The following KPNA6 variants were observed in gnomAD, a reference collection of about 807,000 sequenced individuals.
KPNA6 encodes importin subunit alpha-7.
Under a neutral mutation model 72.0 loss-of-function variants are expected in KPNA6, and 9 were observed. That is an observed-to-expected ratio of 0.13 (90% CI 0.08 to 0.22). The LOEUF is 0.22. Among genes scored for constraint, KPNA6 ranks in the 10% least tolerant of loss-of-function variants. The probability of loss-of-function intolerance (pLI) is 1.00; values close to 1 mark genes in which losing one functional copy is unlikely to be tolerated. For synonymous variants in KPNA6, 219 were observed against 242.1 expected (o/e 0.90, Z 0.89); for missense variants, 374 against 655.7 (o/e 0.57, Z 4.69).
intron 1 of KPNA6, among the ~76,000 whole-genome samples, chr1:32,121,291 A>G (rs2124526434): frequency 6.6e-6 from 1 of 152,268 alleles, no homozygotes; most frequent in South Asian, 2.1e-4. Context: ...TTGGTTATTG[A>G]TTTCATCTGG....
At chr1:32,166,914 G>A (rs1036882458) in intron 11 of KPNA6, among the ~76,000 whole-genome samples, 1 of 152,086 alleles carries the variant, frequency 6.6e-6, no homozygotes, top group South Asian at 2.1e-4. Flanking sequence ...CTCCAGCCTG[G>A]GTGACAGAGC....
intron 13 of KPNA6, 93 bp from the exon 14 acceptor site, chr1:32,170,614 T>C: frequency 9.8e-7 from 1 of 1,018,472 alleles, no homozygotes. Context: ...TTGTAAGCAC[T>C]AACATACCTC....
rs566239451 is a variant in KPNA6, at chr1:32,170,272, T to C, written c.1423+212T>C. On this transcript the variant is annotated intron_variant, in intron 13 of 13. Transcript: ENST00000373625. ...CACGTTACCATGAGTATAATCAGGA[T>C]GTGCTGAGTAGCTGGGGTACAGCTA... Among the ~76,000 whole-genome samples, 23 of 152,328 alleles carry C rather than the reference T, an allele frequency of 1.5e-4. 1 individual carries two copies. The South Asian group carries it at 4.8e-3, about 32-fold the overall frequency.
At chr1:32,144,764 C>T (rs1044336247) in intron 1 of KPNA6, among the ~76,000 whole-genome samples, 2 of 151,986 alleles carry the variant, frequency 1.3e-5, no homozygotes, top group Admixed American at 6.6e-5. Flanking sequence ...AGTTCTCCTG[C>T]GTCAGCCTCC....
intron 1 of KPNA6, among the ~76,000 whole-genome samples, chr1:32,144,765 G>A (rs1294340903): frequency 6.6e-6 from 1 of 151,458 alleles, no homozygotes; most frequent in South Asian, 2.1e-4. Flanking sequence ...GTTCTCCTGC[G>A]TCAGCCTCCC....
rs748389483 is a variant in KPNA6, at chr1:32,170,825, A to G, written c.1542A>G (p.Gln514=). The part of the protein sequence containing the change: ...VEDDDSSLAP[Q]VDETQQQFIF... ...ACGATGATAGCAGCCTGGCTCCCCAAGTCGATGAAACGCAACAGCAGTTCA... is the reference window on the plus strand; with the variant it reads ...ACGATGATAGCAGCCTGGCTCCCCAGGTCGATGAAACGCAACAGCAGTTCA... Residue 514 remains glutamine (Q), a synonymous_variant, in exon 14 of 14, where the codon CAA becomes CAG. Coordinates refer to ENST00000373625, the MANE Select transcript of KPNA6 (RefSeq NM_012316.5). 3.1e-6 allele frequency: 5 copies of G among 1,614,222 alleles called. No individual in the cohort carries two copies. Among genetic ancestry groups the G allele is most frequent in the South Asian group, 2.2e-5 (2 of 91,084 alleles).
intron 1 of KPNA6, among the ~76,000 whole-genome samples, chr1:32,130,413 C>T (rs1641616472): frequency 1.3e-5 from 2 of 151,972 alleles, no homozygotes; most frequent in South Asian, 4.1e-4. Context: ...AAATAAGTAA[C>T]TTGACACAGG....
chr1:32,126,283 T>G (rs1202588442), intron 1 of KPNA6, among the ~76,000 whole-genome samples: 1 of 122,114 alleles, frequency 8.2e-6, no homozygotes, highest in East Asian at 2.3e-4. Flanking sequence ...AGAAGATGCT[T>G]CCCCACCCCC....
At chr1:32,155,830 C>G (rs1471915624) in intron 2 of KPNA6, among the ~76,000 whole-genome samples, 1 of 151,558 alleles carries the variant, frequency 6.6e-6, no homozygotes, top group East Asian at 1.9e-4. Flanking sequence ...GCCTCAAGCT[C>G]CCGGGCTCAA....
chr1:32,165,061 G>C (rs1475536855), intron 10 of KPNA6, among the ~76,000 whole-genome samples: 1 of 151,940 alleles, frequency 6.6e-6, no homozygotes, highest in Non-Finnish European at 1.5e-5. Flanking sequence ...ATCATGCCTA[G>C]CTAATTTTTT....
At chr1:32,108,458 G>T (rs1339903032) in intron 1 of KPNA6, among the ~76,000 whole-genome samples, 1 of 152,260 alleles carries the variant, frequency 6.6e-6, no homozygotes, top group African/African-American at 2.4e-5. Flanking sequence ...TGGGGCTGGG[G>T]GACGGGCTCC....
chr1:32,152,737 C>T lies in KPNA6; in HGVS notation c.5-1851C>T, dbSNP rs1192813585. 3.3e-5 allele frequency among the ~76,000 whole-genome samples: 5 copies of T among 151,652 alleles called. No individual in the cohort carries two copies. The East Asian group carries it at 7.8e-4, about 24-fold the overall frequency. On this transcript the variant is annotated intron_variant, in intron 1 of 13. Transcript: ENST00000373625. ...GCGGGCGCCTGTAGTCCCAGCTACT[C>T]GGGAGGCTGAGGCAGGAAAATGGCG...
chr1:32,167,938 G>A (rs1373098232), intron 12 of KPNA6, among the ~76,000 whole-genome samples: 5 of 152,110 alleles, frequency 3.3e-5, no homozygotes, highest in Non-Finnish European at 7.4e-5. Context: ...AGCTGAAGCA[G>A]GAGGATCCTT....
chr1:32,134,534 A>T (rs1265331633), intron 1 of KPNA6, among the ~76,000 whole-genome samples: 3 of 151,562 alleles, frequency 2.0e-5, no homozygotes, highest in Non-Finnish European at 4.4e-5. Context: ...GCTACCTGGG[A>T]GGCTGAGGCA....
chr1:32,151,032 A>T (rs116667234), intron 1 of KPNA6, among the ~76,000 whole-genome samples: 47 of 152,194 alleles, frequency 3.1e-4, no homozygotes, highest in Admixed American at 2.5e-3. Context: ...TCTTCAAGCT[A>T]TCCTCCCACC....
At chr1:32,166,919 C>T (rs555660750) in intron 11 of KPNA6, among the ~76,000 whole-genome samples, 3 of 152,196 alleles carry the variant, frequency 2.0e-5, no homozygotes, top group African/African-American at 4.8e-5. Context: ...GCCTGGGTGA[C>T]AGAGCAAGAC....
chr1:32,160,158 G>A (rs896981286), intron 6 of KPNA6, among the ~76,000 whole-genome samples: 12 of 152,152 alleles, frequency 7.9e-5, no homozygotes, highest in African/African-American at 2.9e-4. Flanking sequence ...AGTTAGCTGG[G>A]CATGGTGGAG....
chr1:32,170,209 T>C, intron 13 of KPNA6, 149 bp downstream of exon 13: 1 of 671,270 alleles, frequency 1.5e-6, no homozygotes, highest in Non-Finnish European at 2.4e-6. Flanking sequence ...AGTTAAGAGC[T>C]CCTGCCCTAG....
At position 32,170,080 on chromosome 1, in the gene KPNA6, T is replaced by G; in HGVS notation, c.1423+20T>G. 1 of 1,607,072 alleles carries G rather than the reference T, an allele frequency of 6.2e-7. No individual in the cohort carries two copies. Among genetic ancestry groups the G allele is most frequent in the Non-Finnish European group, 8.5e-7 (1 of 1,174,332 alleles). ...CCTATGGTATGTGCCCTCTCCTCAA[T>G]CTAGGTCAGAACCTGAGACTGTAGG... On this transcript the variant is annotated intron_variant, in intron 13 of 13. Transcript: ENST00000373625.
Sources: allele counts gnomAD v4.1 joint callset (sites outside exome capture counted in the v4.1 genomes callset), GRCh38; gene constraint gnomAD v4.1.1; transcripts MANE v1.5; gene names NCBI Gene and HGNC (gene_info 2026-07-23, HGNC 2026-07-21).